SLC2A13: variants seen among roughly 807,000 people sequenced by gnomAD.
SLC2A13 encodes solute carrier family 2 member 13, also known as proton myo-inositol cotransporter.
In SLC2A13, 32 loss-of-function variants were observed where a neutral mutation model predicts 64.4. The ratio of observed to expected loss-of-function variants is 0.50; its 90% CI spans 0.37 to 0.67. The LOEUF (loss-of-function observed/expected upper bound fraction) is 0.67, where lower values mean the gene tolerates loss of function less well. Among genes scored for constraint, SLC2A13 ranks in the 30% least tolerant of loss-of-function variants. SLC2A13 has a pLI of 0.00. For missense variants in SLC2A13, 743 were observed against 829.2 expected, an observed-to-expected ratio of 0.90 and a Z score of 1.28; for synonymous variants, 338 against 327.1, an observed-to-expected ratio of 1.03 and a Z score of -0.36.
chr12:40,090,931 A>G lies in SLC2A13; in HGVS notation c.556+14322T>C, dbSNP rs140741931. ...GTAAAGATGTGCACATGCAGATACA[A>G]TCATGCATTGCTTAGCCACAGCGAC... On this transcript the variant is annotated intron_variant, in intron 1 of 9. Transcript: ENST00000280871. Among the ~76,000 whole-genome samples, 128 of 152,312 alleles carry G rather than the reference A, an allele frequency of 8.4e-4. No homozygotes were observed. In the East Asian group the frequency reaches 0.014, roughly 17 times the overall value.
At chr12:39,921,291 T>G (rs1181644548) in intron 4 of SLC2A13, among the ~76,000 whole-genome samples, 3 of 152,060 alleles carry the variant, frequency 2.0e-5, no homozygotes, top group African/African-American at 7.3e-5. Flanking sequence ...GATCTTCAGT[T>G]ACCAATACTA....
chr12:40,067,136 A>G (rs7974495), intron 1 of SLC2A13, among the ~76,000 whole-genome samples: 18,720 of 152,194 alleles, frequency 0.12, 1,254 homozygotes, highest in Admixed American at 0.18. Flanking sequence ...AAGAGGCTTT[A>G]GGATTCAGTT....
intron 1 of SLC2A13, among the ~76,000 whole-genome samples, chr12:40,057,408 CA>C (rs1948348343): frequency 6.6e-6 from 1 of 151,774 alleles, no homozygotes; most frequent in Non-Finnish European, 1.5e-5. Flanking sequence ...ATGGGTGGGG[CA>C]GGAAGAAAAA....
At chr12:39,921,445 C>T (rs1261177150) in intron 4 of SLC2A13, among the ~76,000 whole-genome samples, 1 of 152,004 alleles carries the variant, frequency 6.6e-6, no homozygotes, top group Non-Finnish European at 1.5e-5. Context: ...GCAGGGTGGC[C>T]CGGCCATGCT....
chr12:39,824,517 T>A (rs771105683), intron 7 of SLC2A13, among the ~76,000 whole-genome samples: 27 of 152,294 alleles, frequency 1.8e-4, no homozygotes, highest in Non-Finnish European at 3.4e-4. Context: ...TACCAGGTCT[T>A]TCATTCATAA....
chr12:39,899,853 T>A (rs1945036244), intron 4 of SLC2A13, among the ~76,000 whole-genome samples: 1 of 152,138 alleles, frequency 6.6e-6, no homozygotes, highest in African/African-American at 2.4e-5. Context: ...AGACAGTTTG[T>A]TATAATTTCT....
chr12:39,816,789 A>C (rs1942353944), intron 7 of SLC2A13, among the ~76,000 whole-genome samples: 2 of 152,110 alleles, frequency 1.3e-5, no homozygotes, highest in Non-Finnish European at 2.9e-5. Context: ...CTTCATCCTT[A>C]GTTCTTGGTG....
chr12:39,865,804 T>C (rs1462462226), intron 5 of SLC2A13, among the ~76,000 whole-genome samples: 1 of 152,180 alleles, frequency 6.6e-6, no homozygotes, highest in African/African-American at 2.4e-5. Context: ...CATGTTCTCA[T>C]TTAAAAGTTG....
intron 3 of SLC2A13, among the ~76,000 whole-genome samples, chr12:39,976,541 C>T (rs1035824989): frequency 5.3e-5 from 8 of 151,992 alleles, no homozygotes; most frequent in African/African-American, 1.9e-4. Context: ...CCACTTGTAA[C>T]AATGTTTTAA....
intron 1 of SLC2A13, among the ~76,000 whole-genome samples, chr12:40,091,936 A>T (rs191797580): frequency 6.6e-6 from 1 of 152,222 alleles, no homozygotes. Flanking sequence ...TTATCAATTA[A>T]TCCATACAAT....
chr12:39,829,298 T>G (rs915668460), intron 7 of SLC2A13: 9 of 151,466 alleles, frequency 5.9e-5, no homozygotes, highest in Non-Finnish European at 1.2e-4. Context: ...TACCAAATTT[T>G]ATCCTTATTT....
chr12:40,070,291 T>A (rs1276232461), intron 1 of SLC2A13, among the ~76,000 whole-genome samples: 3 of 152,040 alleles, frequency 2.0e-5, no homozygotes, highest in Admixed American at 1.3e-4. Flanking sequence ...CAAAAGAACA[T>A]GAACATTTAT....
chr12:39,936,521 C>T (rs1487181015), intron 4 of SLC2A13, among the ~76,000 whole-genome samples: 1 of 152,074 alleles, frequency 6.6e-6, no homozygotes, highest in African/African-American at 2.4e-5. Context: ...GCCTTTAGGC[C>T]CTATTTCCTT....
intron 2 of SLC2A13, among the ~76,000 whole-genome samples, chr12:40,040,905 T>C (rs557616706): frequency 6.6e-6 from 1 of 152,316 alleles, no homozygotes; most frequent in East Asian, 1.9e-4. Flanking sequence ...AACATCCCCA[T>C]TTAAATATCA....
intron 4 of SLC2A13, among the ~76,000 whole-genome samples, chr12:39,892,663 T>C (rs1944643329): frequency 6.6e-6 from 1 of 152,146 alleles, no homozygotes; most frequent in South Asian, 2.1e-4. Flanking sequence ...TAGCAATTAA[T>C]AAATATAAAT....
intron 1 of SLC2A13, among the ~76,000 whole-genome samples, chr12:40,066,060 C>A (rs1213083510): frequency 6.6e-6 from 1 of 152,160 alleles, no homozygotes; most frequent in East Asian, 1.9e-4. Flanking sequence ...TTCAAAGCAA[C>A]TTAAGAAACA....
chr12:40,104,466 A>T (rs555479531), intron 1 of SLC2A13, among the ~76,000 whole-genome samples: 72 of 152,308 alleles, frequency 4.7e-4, no homozygotes, highest in Non-Finnish European at 9.0e-4. Context: ...CTTGCGGGGC[A>T]TTTATCCACA....
At chr12:39,903,079 G>A (rs1401660061) in intron 4 of SLC2A13, among the ~76,000 whole-genome samples, 8 of 152,102 alleles carry the variant, frequency 5.3e-5, no homozygotes, top group Non-Finnish European at 1.0e-4. Context: ...TAGGAACATC[G>A]TAATAATGAG....
intron 6 of SLC2A13, among the ~76,000 whole-genome samples, chr12:39,839,549 GT>G (rs149522439): frequency 0.014 from 2,135 of 151,948 alleles, 39 homozygotes; most frequent in African/African-American, 0.047. Context: ...TTATCATTTG[GT>G]GATAAGATTT....
Sources: gnomAD v4.1 joint callset for allele counts (sites outside exome capture counted in the v4.1 genomes callset) on GRCh38, gnomAD v4.1.1 for gene constraint, MANE v1.5 for transcripts, NCBI Gene and HGNC (gene_info 2026-07-23, HGNC 2026-07-21) for gene names.